Variants in KLHL1 observed in about 807,000 individuals in gnomAD.
The protein encoded by KLHL1 is kelch-like protein 1.
KLHL1 carries 47 observed loss-of-function variants against 77.7 expected under a neutral mutation model. That is an observed-to-expected ratio of 0.60 (90% CI 0.48 to 0.77). The LOEUF is 0.77. Ranked by LOEUF, KLHL1 falls within the 30% of genes least tolerant of loss-of-function variation. The pLI is 0.00. For missense variants in KLHL1, 925 were observed against 910.8 expected, an observed-to-expected ratio of 1.02 and a Z score of -0.20; for synonymous variants, 360 against 325.2, an observed-to-expected ratio of 1.11 and a Z score of -1.15.
intron 7 of KLHL1, among the ~76,000 whole-genome samples, chr13:69,744,570 A>G (rs987213435): frequency 6.6e-6 from 1 of 151,292 alleles, no homozygotes; most frequent in African/African-American, 2.4e-5. Context: ...GTAAGTGTTC[A>G]GTTTGATGGT....
intron 3 of KLHL1, among the ~76,000 whole-genome samples, chr13:69,947,024 TGTGTTG>T (rs1480181740): frequency 1.7e-5 from 2 of 118,224 alleles, no homozygotes; most frequent in Non-Finnish European, 3.4e-5. Context: ...ATTGTGTGTG[TGTGTTG>T]TGTGTGTGTG....
chr13:69,875,844 A>C (rs2138184323), intron 5 of KLHL1, among the ~76,000 whole-genome samples: 1 of 152,138 alleles, frequency 6.6e-6, no homozygotes, highest in Non-Finnish European at 1.5e-5. Context: ...GGAGAAAAGT[A>C]ATCCTATTCT....
chr13:69,744,702 A>G (rs1874132598), intron 7 of KLHL1, among the ~76,000 whole-genome samples: 1 of 151,798 alleles, frequency 6.6e-6, no homozygotes, highest in Non-Finnish European at 1.5e-5. Flanking sequence ...TAATTCCTCA[A>G]AGAATAAGTT....
At chr13:70,065,594 C>T (rs549204172) in intron 1 of KLHL1, among the ~76,000 whole-genome samples, 1 of 152,262 alleles carries the variant, frequency 6.6e-6, no homozygotes, top group South Asian at 2.1e-4. Flanking sequence ...CAGCAATTAC[C>T]ATTTAACACA....
At chr13:70,083,968 C>A (rs1270380492) in intron 1 of KLHL1, among the ~76,000 whole-genome samples, 1 of 151,632 alleles carries the variant, frequency 6.6e-6, no homozygotes, top group Non-Finnish European at 1.5e-5. Context: ...TTTAAAAAAC[C>A]CTTTTATATA....
chr13:69,866,609 T>C (rs1880373408), intron 5 of KLHL1, among the ~76,000 whole-genome samples: 1 of 152,142 alleles, frequency 6.6e-6, no homozygotes. Flanking sequence ...TCATTTTTAA[T>C]TAAAATACTT....
chr13:70,098,293 A>G (rs928946068), intron 1 of KLHL1, among the ~76,000 whole-genome samples: 1 of 151,902 alleles, frequency 6.6e-6, no homozygotes. Flanking sequence ...TAGAAAAGCT[A>G]TAAGAGTGTC....
At chr13:69,779,503 T>C (rs1399080173) in intron 7 of KLHL1, among the ~76,000 whole-genome samples, 1 of 151,874 alleles carries the variant, frequency 6.6e-6, no homozygotes, top group Admixed American at 6.6e-5. Flanking sequence ...CCTTCTTTCC[T>C]GTCCTTTTTC....
At chr13:69,779,993 AG>A (rs1456737874) in intron 7 of KLHL1, among the ~76,000 whole-genome samples, 1 of 151,860 alleles carries the variant, frequency 6.6e-6, no homozygotes, top group East Asian at 1.9e-4. Flanking sequence ...TAGTAGAGAC[AG>A]GGTTTCACCA....
At chr13:69,950,377 C>T (rs550512407) in intron 3 of KLHL1, among the ~76,000 whole-genome samples, 1 of 151,102 alleles carries the variant, frequency 6.6e-6, no homozygotes, top group African/African-American at 2.4e-5. Context: ...TCCCTTGACT[C>T]ACATCGATGC....
At chr13:69,870,999 T>A (rs1383555942) in intron 5 of KLHL1, among the ~76,000 whole-genome samples, 2 of 152,076 alleles carry the variant, frequency 1.3e-5, no homozygotes, top group East Asian at 1.9e-4. Context: ...GTGTCTCTGC[T>A]CTCACAGTTC....
intron 3 of KLHL1, among the ~76,000 whole-genome samples, chr13:69,945,525 GA>G (rs1205201653): frequency 6.7e-6 from 1 of 150,348 alleles, no homozygotes; most frequent in Non-Finnish European, 1.5e-5. Flanking sequence ...CATAAACCAG[GA>G]AAAAAGTTTG....
At chr13:69,852,679 T>C (rs764676031) in intron 5 of KLHL1, among the ~76,000 whole-genome samples, 2 of 151,954 alleles carry the variant, frequency 1.3e-5, no homozygotes, top group Non-Finnish European at 1.5e-5. Flanking sequence ...CATACCTCTT[T>C]TGATCAACAT....
At chr13:69,751,702 A>G (rs972073137) in intron 7 of KLHL1, among the ~76,000 whole-genome samples, 1 of 152,134 alleles carries the variant, frequency 6.6e-6, no homozygotes, top group Non-Finnish European at 1.5e-5. Context: ...TCCTAAGAGT[A>G]ATGTGAAGTT....
At chr13:70,063,578 G>A (rs760383865) in intron 1 of KLHL1, among the ~76,000 whole-genome samples, 18 of 151,700 alleles carry the variant, frequency 1.2e-4, no homozygotes, top group East Asian at 5.8e-4. Context: ...AATATTATAC[G>A]ATATCAGAAA....
At chr13:70,051,367 C>T (rs1334194598) in intron 1 of KLHL1, among the ~76,000 whole-genome samples, 1 of 151,874 alleles carries the variant, frequency 6.6e-6, no homozygotes, top group Non-Finnish European at 1.5e-5. Context: ...TTGATAATTG[C>T]CTTCAGCTTT....
chr13:69,751,507 A>G (rs1874478523), intron 7 of KLHL1, among the ~76,000 whole-genome samples: 1 of 152,058 alleles, frequency 6.6e-6, no homozygotes, highest in Admixed American at 6.6e-5. Flanking sequence ...GGGATGAGGA[A>G]TTCTTGGCAG....
chr13:70,053,653 A>T (rs1052374578), intron 1 of KLHL1, among the ~76,000 whole-genome samples: 1 of 152,096 alleles, frequency 6.6e-6, no homozygotes, highest in Admixed American at 6.6e-5. Context: ...AGACTCAATA[A>T]ATTATCTTCC....
chr13:70,042,920 A>G (rs1433643373), intron 1 of KLHL1, among the ~76,000 whole-genome samples: 2 of 152,088 alleles, frequency 1.3e-5, no homozygotes, highest in Non-Finnish European at 2.9e-5. Flanking sequence ...TTGTGTATAT[A>G]TATGAGACTG....
Sources: gnomAD v4.1 joint callset for allele counts (sites outside exome capture counted in the v4.1 genomes callset) on GRCh38, gnomAD v4.1.1 for gene constraint, MANE v1.5 for transcripts, NCBI Gene and HGNC (gene_info 2026-07-23, HGNC 2026-07-21) for gene names.